The following CSMD1 variants were observed in gnomAD, a reference collection of about 807,000 sequenced individuals.
CSMD1 encodes the protein CUB and sushi domain-containing protein 1.
CSMD1 carries 213 observed loss-of-function variants against 417.5 expected under a neutral mutation model. That is an observed-to-expected ratio of 0.51 (90% CI 0.46 to 0.57). The LOEUF is 0.57. Ranked by LOEUF, CSMD1 falls within the 20% of genes least tolerant of loss-of-function variation. The probability of loss-of-function intolerance (pLI) is 0.00; values close to 1 mark genes in which losing one functional copy is unlikely to be tolerated. For synonymous variants in CSMD1, 2,862 were observed against 1,736.8 expected (o/e 1.65, Z -16.11); for missense variants, 6,923 against 4,529.7 (o/e 1.53, Z -15.17).
At chr8:4,820,244 C>G (rs1563491247) in intron 1 of CSMD1, among the ~76,000 whole-genome samples, 1 of 152,084 alleles carries the variant, frequency 6.6e-6, no homozygotes, top group Non-Finnish European at 1.5e-5. Flanking sequence ...AGCGGTGACC[C>G]GACTTCACAA....
chr8:4,469,636 A>C lies in CSMD1; in HGVS notation c.303-49571T>G, dbSNP rs551376303. On this transcript the variant is annotated intron_variant, in intron 2 of 69. Coordinates refer to ENST00000635120, the MANE Select transcript of CSMD1 (RefSeq NM_033225.6). ...TCCTGACATCCCTAATGTAGCTTAG[A>C]GGCCAGTGTCTCCCCACCTCGTCTG... 9.9e-5 allele frequency among the ~76,000 whole-genome samples: 15 copies of C among 152,166 alleles called. No homozygotes were observed. The East Asian group carries it at 2.9e-3, about 30-fold the overall frequency.
At chr8:3,532,690 T>C (rs1563128487) in intron 10 of CSMD1, among the ~76,000 whole-genome samples, 1 of 152,132 alleles carries the variant, frequency 6.6e-6, no homozygotes, top group Non-Finnish European at 1.5e-5. Context: ...AATATTCTCA[T>C]CCTTATTCCA....
At chr8:3,104,998 G>A (rs887547236) in intron 46 of CSMD1, among the ~76,000 whole-genome samples, 1 of 152,148 alleles carries the variant, frequency 6.6e-6, no homozygotes, top group African/African-American at 2.4e-5. Flanking sequence ...GCGCCACCGC[G>A]CCCGGCCAGT....
At chr8:4,423,198 A>C (rs1585051040) in intron 2 of CSMD1, among the ~76,000 whole-genome samples, 1 of 152,110 alleles carries the variant, frequency 6.6e-6, no homozygotes, top group African/African-American at 2.4e-5. Flanking sequence ...ATCGTGCTGG[A>C]ATATCCTGCA....
At chr8:2,988,477 G>C (rs1806117446) in intron 54 of CSMD1, among the ~76,000 whole-genome samples, 1 of 152,148 alleles carries the variant, frequency 6.6e-6, no homozygotes, top group African/African-American at 2.4e-5. Flanking sequence ...GTCCCTCACT[G>C]AACTGGCTCA....
At chr8:4,943,930 T>C (rs967340368) in intron 1 of CSMD1, among the ~76,000 whole-genome samples, 5 of 152,150 alleles carry the variant, frequency 3.3e-5, no homozygotes, top group Non-Finnish European at 7.4e-5. Flanking sequence ...GAGCTGGATA[T>C]TGATTATGGA....
intron 5 of CSMD1, among the ~76,000 whole-genome samples, chr8:3,805,940 C>A (rs1473196377): frequency 6.6e-6 from 1 of 152,132 alleles, no homozygotes; most frequent in Non-Finnish European, 1.5e-5. Flanking sequence ...GACACACCTG[C>A]TCTTGAAAGG....
intron 10 of CSMD1, among the ~76,000 whole-genome samples, chr8:3,502,067 C>T (rs1002032442): frequency 2.6e-5 from 4 of 152,108 alleles, no homozygotes; most frequent in Admixed American, 1.3e-4. Context: ...AATCATATAT[C>T]TTGGAATTTA....
intron 26 of CSMD1, among the ~76,000 whole-genome samples, chr8:3,259,263 C>T (rs375780905): frequency 1.2e-4 from 19 of 152,298 alleles, no homozygotes; most frequent in East Asian, 1.2e-3. Context: ...GAATGGAAGA[C>T]GTATGCATTT....
At chr8:3,788,955 T>A (rs556782233) in intron 5 of CSMD1, among the ~76,000 whole-genome samples, 6 of 152,210 alleles carry the variant, frequency 3.9e-5, no homozygotes, top group Non-Finnish European at 8.8e-5. Context: ...ATTGTAGAAT[T>A]TAAATGCAGA....
rs1164083558 is a variant in CSMD1 at position 3,926,104 on chromosome 8, C to CCAT, written c.818+71798_818+71799insATG. ...CCATACACACACACACACACACACA[C>CCAT]ACACACACACACACACACACACACA... On this transcript the variant is annotated intron_variant, in intron 5 of 69. Transcript: ENST00000635120. 2.3e-3 allele frequency among the ~76,000 whole-genome samples: 94 copies of CCAT among 41,678 alleles called. 9 individuals carry two copies. The highest frequency in any genetic ancestry group is 0.016 in the Middle Eastern group (1 of 62). 27.3% of individuals were successfully genotyped at this position (41,678 alleles called of 152,430 possible).
intron 20 of CSMD1, among the ~76,000 whole-genome samples, chr8:3,363,387 C>T (rs879182064): frequency 3.3e-5 from 5 of 152,054 alleles, no homozygotes; most frequent in Admixed American, 3.3e-4. Flanking sequence ...GTCATGGAAA[C>T]GTTTTTCTCC....
chr8:3,043,038 T>C (rs1049900626), intron 50 of CSMD1, among the ~76,000 whole-genome samples: 1 of 151,356 alleles, frequency 6.6e-6, no homozygotes, highest in Non-Finnish European at 1.5e-5. Flanking sequence ...TATGACCTAG[T>C]ACTGTGGGAT....
chr8:4,609,202 C>A (rs1801040061), intron 2 of CSMD1, among the ~76,000 whole-genome samples: 2 of 152,118 alleles, frequency 1.3e-5, no homozygotes. Context: ...GTGTTCCAGA[C>A]CAGCCTGGAC....
At chr8:3,216,527 C>G (rs1282330362) in intron 29 of CSMD1, among the ~76,000 whole-genome samples, 1 of 152,072 alleles carries the variant, frequency 6.6e-6, no homozygotes, top group African/African-American at 2.4e-5. Context: ...TAAATATCAC[C>G]TACACAACTT....
At chr8:3,609,811 C>CA (rs1801800435) in intron 8 of CSMD1, among the ~76,000 whole-genome samples, 1 of 75,262 alleles carries the variant, frequency 1.3e-5, no homozygotes, top group Non-Finnish European at 2.4e-5. Flanking sequence ...AGTATCTTCC[C>CA]TTTTTTTTTT....
intron 3 of CSMD1, among the ~76,000 whole-genome samples, chr8:4,056,518 G>C (rs1050312219): frequency 4.0e-5 from 6 of 151,058 alleles, no homozygotes; most frequent in South Asian, 2.1e-4. Context: ...ACTAAGGAAA[G>C]CATTTAATTT....
intron 3 of CSMD1, among the ~76,000 whole-genome samples, chr8:4,088,877 C>G (rs1285627199): frequency 6.6e-6 from 1 of 152,182 alleles, no homozygotes; most frequent in South Asian, 2.1e-4. Context: ...CTGTGTTCCA[C>G]CCGCAATCTT....
chr8:3,625,566 A>C (rs1796452008), intron 7 of CSMD1, among the ~76,000 whole-genome samples: 1 of 152,194 alleles, frequency 6.6e-6, no homozygotes, highest in Admixed American at 6.5e-5. Context: ...TCTTAAATCA[A>C]GCTCTCTTTT....
Sources: gnomAD v4.1 joint callset for allele counts (sites outside exome capture counted in the v4.1 genomes callset) on GRCh38, gnomAD v4.1.1 for gene constraint, MANE v1.5 for transcripts, NCBI Gene and HGNC (gene_info 2026-07-23, HGNC 2026-07-21) for gene names.